IFT81: variants seen among roughly 807,000 people sequenced by gnomAD.
IFT81 encodes intraflagellar transport 81, also known as intraflagellar transport protein 81 homolog.
A neutral mutation model predicts 102.6 loss-of-function variants in IFT81; 72 were observed. The ratio of observed to expected loss-of-function variants is 0.70; its 90% CI spans 0.58 to 0.85. IFT81 has a LOEUF of 0.85. IFT81 is among the 40% of genes least tolerant of loss of function. The pLI, the probability that IFT81 is intolerant of heterozygous loss-of-function variation, is 0.00. For missense variants in IFT81, 723 were observed against 787.3 expected, an observed-to-expected ratio of 0.92 and a Z score of 0.98; for synonymous variants, 237 against 242.7, an observed-to-expected ratio of 0.98 and a Z score of 0.22.
intron 12 of IFT81, among the ~76,000 whole-genome samples, chr12:110,187,173 A>G (rs1476102486): frequency 6.6e-6 from 1 of 151,958 alleles, no homozygotes; most frequent in Non-Finnish European, 1.5e-5. Context: ...ACATTCTTCA[A>G]CTTTTTGTTT....
intron 10 of IFT81, 68 bp downstream of exon 10, chr12:110,147,116 T>C: frequency 1.6e-6 from 2 of 1,227,628 alleles, no homozygotes; most frequent in South Asian, 3.0e-5. Context: ...GGCTGTGTTA[T>C]CTATAGTCTT....
chr12:110,197,553 A>T (rs1363217303), intron 14 of IFT81, among the ~76,000 whole-genome samples: 1 of 98,234 alleles, frequency 1.0e-5, no homozygotes. Flanking sequence ...TTAGGTTTTT[A>T]TCATATATAT....
At chr12:110,209,768 CAAA>C (rs774458929) in intron 18 of IFT81, among the ~76,000 whole-genome samples, 7 of 60,066 alleles carry the variant, frequency 1.2e-4, no homozygotes, top group East Asian at 1.0e-3. Flanking sequence ...TACTCCATCT[CAAA>C]AAAAAAAAAA....
At chr12:110,209,768 C>CAAAAA (rs774458929) in intron 18 of IFT81, among the ~76,000 whole-genome samples, 1 of 60,102 alleles carries the variant, frequency 1.7e-5, no homozygotes, top group Non-Finnish European at 3.6e-5. Flanking sequence ...TACTCCATCT[C>CAAAAA]AAAAAAAAAA....
At chr12:110,130,647 G>A (rs1894108415) in intron 4 of IFT81, among the ~76,000 whole-genome samples, 1 of 152,040 alleles carries the variant, frequency 6.6e-6, no homozygotes, top group Non-Finnish European at 1.5e-5. Flanking sequence ...GATTACAGGC[G>A]TGAGCCACGG....
chr12:110,154,766 ATATC>A (rs1237302281), intron 10 of IFT81, among the ~76,000 whole-genome samples: 1 of 152,102 alleles, frequency 6.6e-6, no homozygotes, highest in East Asian at 1.9e-4. Flanking sequence ...ACTCTGTATG[ATATC>A]TATCTTTTAA....
At chr12:110,144,685 A>G (rs1325710397) in intron 9 of IFT81, among the ~76,000 whole-genome samples, 3 of 145,742 alleles carry the variant, frequency 2.1e-5, no homozygotes. Flanking sequence ...CAATTTTTTT[A>G]TTTTTAGTAG....
At chr12:110,140,287 T>C (rs1379534933) in intron 8 of IFT81, among the ~76,000 whole-genome samples, 1 of 152,144 alleles carries the variant, frequency 6.6e-6, no homozygotes, top group Non-Finnish European at 1.5e-5. Flanking sequence ...TGCCCTAAAG[T>C]GTATCCTTGA....
intron 11 of IFT81, among the ~76,000 whole-genome samples, chr12:110,171,446 T>A (rs771002234): frequency 1.7e-4 from 26 of 152,168 alleles, no homozygotes; most frequent in Non-Finnish European, 3.7e-4. Context: ...AATACAGATT[T>A]CTACCCGCAT....
intron 11 of IFT81, among the ~76,000 whole-genome samples, chr12:110,172,539 G>A (rs1482458771): frequency 2.0e-5 from 3 of 152,178 alleles, no homozygotes; most frequent in African/African-American, 2.4e-5. Context: ...GGCGCGCGCC[G>A]CCACGCCTGA....
At chr12:110,216,337 G>A (rs570541197) in intron 18 of IFT81, among the ~76,000 whole-genome samples, 2 of 151,890 alleles carry the variant, frequency 1.3e-5, no homozygotes, top group East Asian at 3.9e-4. Flanking sequence ...CTACAGGCAT[G>A]TGCCACCACC....
intron 12 of IFT81, among the ~76,000 whole-genome samples, chr12:110,187,001 A>T (rs1032206873): frequency 1.4e-5 from 2 of 143,198 alleles, no homozygotes; most frequent in African/African-American, 2.6e-5. Context: ...TTCAATCTGT[A>T]TTTTTTTCTA....
intron 12 of IFT81, among the ~76,000 whole-genome samples, chr12:110,189,314 C>T (rs1478927964): frequency 6.6e-6 from 1 of 151,940 alleles, no homozygotes; most frequent in East Asian, 1.9e-4. Context: ...GATTTCTCCT[C>T]TAATTCTAGT....
At chr12:110,190,365 G>A (rs976490944) in intron 12 of IFT81, among the ~76,000 whole-genome samples, 2 of 152,086 alleles carry the variant, frequency 1.3e-5, no homozygotes, top group African/African-American at 4.8e-5. Flanking sequence ...ACGGGGCTTT[G>A]CTCAGATGTC....
intron 8 of IFT81, among the ~76,000 whole-genome samples, chr12:110,141,603 G>A (rs1225469257): frequency 6.6e-6 from 1 of 152,198 alleles, no homozygotes; most frequent in African/African-American, 2.4e-5. Context: ...AGCCAGGCCA[G>A]ACGAAGTGGC....
chr12:110,134,921 T>A (rs1894386832), intron 5 of IFT81, 27 bp from the exon 6 acceptor site: 2 of 1,563,502 alleles, frequency 1.3e-6, no homozygotes, highest in Non-Finnish European at 1.8e-6. Flanking sequence ...TACTTTTTCT[T>A]ATAAGGTCTT....
chr12:110,154,949 CTATCCAT>C (rs1895755901), intron 10 of IFT81, among the ~76,000 whole-genome samples: 1 of 150,220 alleles, frequency 6.7e-6, no homozygotes, highest in African/African-American at 2.4e-5. Flanking sequence ...TCTGTTTGTT[CTATCCAT>C]TATTGAGACT....
chr12:110,216,178 T>G (rs1870101816), intron 18 of IFT81, among the ~76,000 whole-genome samples: 1 of 151,720 alleles, frequency 6.6e-6, no homozygotes, highest in Admixed American at 6.6e-5. Flanking sequence ...GTTTGGTTGT[T>G]TTGTTTTGTT....
chr12:110,163,643 T>C (rs1896276026), intron 11 of IFT81, among the ~76,000 whole-genome samples: 1 of 143,200 alleles, frequency 7.0e-6, no homozygotes, highest in South Asian at 2.2e-4. Context: ...TGAGACGGAG[T>C]CTCGCTCTGT....
Sources: gnomAD v4.1 joint callset for allele counts (sites outside exome capture counted in the v4.1 genomes callset) on GRCh38, gnomAD v4.1.1 for gene constraint, MANE v1.5 for transcripts, NCBI Gene and HGNC (gene_info 2026-07-23, HGNC 2026-07-21) for gene names.